The following TNRC6A variants were observed in gnomAD, a reference collection of about 807,000 sequenced individuals.
TNRC6A encodes the protein trinucleotide repeat containing adaptor 6A.
Under a neutral mutation model 221.2 loss-of-function variants are expected in TNRC6A, and 44 were observed. That is an observed-to-expected ratio of 0.20 (90% CI 0.16 to 0.26). The LOEUF (loss-of-function observed/expected upper bound fraction) is 0.26, where lower values mean the gene tolerates loss of function less well. TNRC6A is among the 10% of genes least tolerant of loss of function. The pLI, the probability that TNRC6A is intolerant of heterozygous loss-of-function variation, is 1.00. For missense variants in TNRC6A, 2,199 were observed against 2,404.4 expected (o/e 0.91, Z 1.79); for synonymous variants, 847 against 838.5 (o/e 1.01, Z -0.18).
chr16:24,623,298 A>C (rs1900782033), intron 1 of TNRC6A, among the ~76,000 whole-genome samples: 1 of 151,922 alleles, frequency 6.6e-6, no homozygotes. Context: ...TCCCGGGCTC[A>C]CGCCATTCTC....
At chr16:24,622,808 A>G (rs1234616571) in intron 1 of TNRC6A, among the ~76,000 whole-genome samples, 1 of 152,204 alleles carries the variant, frequency 6.6e-6, no homozygotes, top group African/African-American at 2.4e-5. Context: ...ATATGGTGGA[A>G]CTACCATTAT....
At chr16:24,801,727 G>A (rs192779677) in intron 11 of TNRC6A, among the ~76,000 whole-genome samples, 5 of 152,114 alleles carry the variant, frequency 3.3e-5, no homozygotes, top group African/African-American at 1.2e-4. Flanking sequence ...TGCCTGCCTC[G>A]GCCTCCCAAA....
chr16:24,792,376 T>A (rs2058121506), intron 6 of TNRC6A, among the ~76,000 whole-genome samples: 1 of 152,202 alleles, frequency 6.6e-6, no homozygotes, highest in Non-Finnish European at 1.5e-5. Flanking sequence ...CCAACAACAT[T>A]TTTGTTAAGT....
chr16:24,678,657 A>ATT, intron 2 of TNRC6A, among the ~76,000 whole-genome samples: 1 of 152,264 alleles, frequency 6.6e-6, no homozygotes, highest in East Asian at 1.9e-4. Flanking sequence ...GTGAGCCAAG[A>ATT]TTATACCACT....
chr16:24,816,623 C>T (rs1257129189), intron 19 of TNRC6A, 193 bp from the exon 20 acceptor site: 5 of 633,760 alleles, frequency 7.9e-6, no homozygotes, highest in Non-Finnish European at 1.3e-5. Flanking sequence ...GTTGTAAAAA[C>T]TTGCAAGTAA....
chr16:24,628,950 T>C (rs888679710), intron 1 of TNRC6A, among the ~76,000 whole-genome samples: 2 of 152,214 alleles, frequency 1.3e-5, no homozygotes, highest in African/African-American at 2.4e-5. Flanking sequence ...GGAACAGCTA[T>C]AACTTTAGCA....
Position 24,774,230 on chromosome 16 carries a change from C to T in TNRC6A, c.164-2703C>T, listed in dbSNP as rs546123028. Among the ~76,000 whole-genome samples the T allele has an allele frequency of 2.0e-5, 3 of 152,336 alleles. No individual in the cohort carries two copies. In the South Asian group the frequency reaches 6.2e-4, roughly 32 times the overall value. ...TTTGTTACCTAGCAACCCCCACCTA[C>T]GTTCACTGTTTACTCCTTCTGCACT... On this transcript the variant is annotated intron_variant, in intron 4 of 24. Transcript: ENST00000395799.
chr16:24,726,798 T>C (rs576494543), upstream of TNRC6A, among the ~76,000 whole-genome samples: 1 of 152,298 alleles, frequency 6.6e-6, no homozygotes, highest in Admixed American at 6.5e-5. Context: ...AATGATTACT[T>C]AGTAAAAAGA....
intron 3 of TNRC6A, among the ~76,000 whole-genome samples, chr16:24,752,238 AGAGG>A (rs1343691791): frequency 1.3e-5 from 2 of 152,222 alleles, no homozygotes; most frequent in South Asian, 2.1e-4. Context: ...TAAAGGATAT[AGAGG>A]GAGAGTCAGC....
At chr16:24,755,537 G>A (rs2057233090) in intron 3 of TNRC6A, among the ~76,000 whole-genome samples, 1 of 152,248 alleles carries the variant, frequency 6.6e-6, no homozygotes, top group African/African-American at 2.4e-5. Flanking sequence ...TTTTGCCACA[G>A]TTCTATAGAT....
At chr16:24,629,725 T>A (rs7204585) in intron 1 of TNRC6A, among the ~76,000 whole-genome samples, 33,088 of 152,152 alleles carry the variant, frequency 0.22, 4,637 homozygotes, top group African/African-American at 0.4. Flanking sequence ...ACGCCTGTAA[T>A]CTCACTGCTT....
chr16:24,720,363 G>A lies in TNRC6A; in HGVS notation n.403-30363G>A, dbSNP rs374194680. On this transcript the variant is annotated intron_variant and non_coding_transcript_variant, in intron 2 of 2. Coordinates refer to the TNRC6A transcript ENST00000566108. The stretch of plus-strand genomic sequence containing the variant: ...GCTGCAGTGAGCTGTGATCACACCC[G>A]TCTGGGTGACACAGCTAGACCTTGT... Among the ~76,000 whole-genome samples, 511 of 150,884 alleles carry A rather than the reference G, an allele frequency of 3.4e-3. 3 individuals carry two copies. The highest frequency in any genetic ancestry group is 0.012 in the African/African-American group (476 of 41,054).
At chr16:24,628,323 G>A (rs1043493999) in intron 1 of TNRC6A, among the ~76,000 whole-genome samples, 3 of 152,046 alleles carry the variant, frequency 2.0e-5, no homozygotes, top group Non-Finnish European at 2.9e-5. Context: ...GGGGGACTGA[G>A]GCAGAAGAAT....
intron 2 of TNRC6A, among the ~76,000 whole-genome samples, chr16:24,715,819 C>T (rs1191362416): frequency 6.6e-6 from 1 of 151,872 alleles, no homozygotes; most frequent in East Asian, 1.9e-4. Flanking sequence ...CGGGGTTTCC[C>T]TATGTTGGCC....
chr16:24,617,756 C>T (rs993092590), intron 1 of TNRC6A, among the ~76,000 whole-genome samples: 23 of 152,158 alleles, frequency 1.5e-4, no homozygotes, highest in Admixed American at 4.6e-4. Context: ...TATCTCTCCT[C>T]TGTTCTTCAG....
At chr16:24,813,722 T>C (rs1224712224) in intron 18 of TNRC6A, among the ~76,000 whole-genome samples, 2 of 152,258 alleles carry the variant, frequency 1.3e-5, no homozygotes, top group Admixed American at 6.5e-5. Flanking sequence ...TTGCTTAAAC[T>C]GAACCTGTCA....
exon 2 of TNRC6A, chr16:24,640,979 A>G (rs1433679434): frequency 6.6e-6 from 1 of 152,184 alleles, no homozygotes; most frequent in Non-Finnish European, 1.5e-5. Context: ...CCTGGCTCTC[A>G]AGACATTCCG....
At chr16:24,707,549 C>T (rs756023669) in intron 2 of TNRC6A, among the ~76,000 whole-genome samples, 24 of 151,818 alleles carry the variant, frequency 1.6e-4, no homozygotes, top group East Asian at 5.8e-4. Flanking sequence ...ATGCAACAGA[C>T]GAAGAATAAA....
intron 4 of TNRC6A, among the ~76,000 whole-genome samples, chr16:24,767,520 A>AT (rs1567443771): frequency 6.6e-6 from 1 of 152,186 alleles, no homozygotes; most frequent in Admixed American, 6.5e-5. Context: ...TATTTTATCT[A>AT]TTTTATCAAA....
Sources: gnomAD v4.1 joint callset for allele counts (sites outside exome capture counted in the v4.1 genomes callset) on GRCh38, gnomAD v4.1.1 for gene constraint, MANE v1.5 for transcripts, NCBI Gene and HGNC (gene_info 2026-07-23, HGNC 2026-07-21) for gene names.